Variants in LRRC37A2 observed in about 807,000 individuals in gnomAD.
LRRC37A2 encodes leucine-rich repeat-containing protein 37A2.
LRRC37A2 carries 9 observed loss-of-function variants against 68.8 expected under a neutral mutation model. The ratio of observed to expected loss-of-function variants is 0.13; its 90% CI spans 0.08 to 0.23. The LOEUF (loss-of-function observed/expected upper bound fraction) is 0.23. Ranked by LOEUF, LRRC37A2 falls within the 10% of genes least tolerant of loss-of-function variation. LRRC37A2 has a pLI of 1.00. For synonymous variants in LRRC37A2, 63 were observed against 367.6 expected (o/e 0.17, Z 9.48); for missense variants, 168 against 950.4 (o/e 0.18, Z 10.82).
chr17:46,922,049 C>T, the LRRC37A2 span, among the ~76,000 whole-genome samples: 43 of 152,292 alleles, frequency 2.8e-4, no homozygotes, highest in East Asian at 6.5e-3. Flanking sequence ...TTTATTGCAG[C>T]ACTATTCACA....
the LRRC37A2 span, chr17:46,875,364 A>C: frequency 6.3e-7 from 1 of 1,598,734 alleles, no homozygotes; most frequent in Non-Finnish European, 8.5e-7. Context: ...CGTGGGCATC[A>C]AGGTGAGCAT....
the LRRC37A2 span, chr17:46,763,292 AG>A: frequency 6.6e-6 from 1 of 152,250 alleles, no homozygotes; most frequent in East Asian, 1.9e-4. Flanking sequence ...CCCTTTTGCT[AG>A]CTTTCTCTAG....
At chr17:46,751,224 T>C in the LRRC37A2 span, among the ~76,000 whole-genome samples, 3 of 152,352 alleles carry the variant, frequency 2.0e-5, no homozygotes, top group East Asian at 3.9e-4. Flanking sequence ...TTTTAACTTA[T>C]ATTTATTATG....
chr17:46,818,474 C>T, the LRRC37A2 span: 1 of 1,567,120 alleles, frequency 6.4e-7, no homozygotes, highest in Admixed American at 1.9e-5. Context: ...TCCCCGGACG[C>T]GGCGGAGAAA....
At chr17:46,793,732 G>A in the LRRC37A2 span, among the ~76,000 whole-genome samples, 2 of 152,336 alleles carry the variant, frequency 1.3e-5, no homozygotes, top group African/African-American at 4.8e-5. Context: ...GGCCAGGGTA[G>A]ATGACACACG....
the LRRC37A2 span, among the ~76,000 whole-genome samples, chr17:46,801,895 C>A: frequency 6.6e-6 from 1 of 152,116 alleles, no homozygotes; most frequent in East Asian, 1.9e-4. Flanking sequence ...ACTGTTTCCC[C>A]GCCAAGCCCT....
At chr17:47,030,166 G>A in the LRRC37A2 span, among the ~76,000 whole-genome samples, 3 of 144,772 alleles carry the variant, frequency 2.1e-5, no homozygotes, top group Non-Finnish European at 4.5e-5. Flanking sequence ...AATTATGTAG[G>A]CAACACCAGG....
the LRRC37A2 span, among the ~76,000 whole-genome samples, chr17:46,967,435 G>A: frequency 3.5e-4 from 53 of 152,232 alleles, no homozygotes; most frequent in Non-Finnish European, 5.9e-4. Flanking sequence ...GTATGGAGGG[G>A]ATATGTGAGA....
At chr17:46,972,158 G>A in the LRRC37A2 span, among the ~76,000 whole-genome samples, 53 of 152,314 alleles carry the variant, frequency 3.5e-4, no homozygotes, top group Admixed American at 8.5e-4. Context: ...CCCAGGCTGT[G>A]TGCTGACAGA....
chr17:46,937,689 C>G, the LRRC37A2 span: 12 of 152,208 alleles, frequency 7.9e-5, no homozygotes, highest in Non-Finnish European at 1.6e-4. Context: ...TCATGCTACT[C>G]TTTTCTATGT....
chr17:46,779,053 T>TCTCACACACACACACACACACACA, the LRRC37A2 span, among the ~76,000 whole-genome samples: 2 of 100,612 alleles, frequency 2.0e-5, no homozygotes, highest in African/African-American at 4.5e-5. Context: ...CCCTACCCCA[T>TCTCACACACACACACACACACACA]CACACACACA....
chr17:46,990,281 T>C, the LRRC37A2 span, among the ~76,000 whole-genome samples: 2 of 152,214 alleles, frequency 1.3e-5, no homozygotes. Flanking sequence ...TCTGGTGACA[T>C]AAGGTATTAA....
chr17:46,779,210 C>T, the LRRC37A2 span, among the ~76,000 whole-genome samples: 1 of 152,186 alleles, frequency 6.6e-6, no homozygotes, highest in African/African-American at 2.4e-5. Context: ...ATGCCCCTCA[C>T]TCGCCAGACC....
the LRRC37A2 span, among the ~76,000 whole-genome samples, chr17:47,007,124 A>T: frequency 6.6e-6 from 1 of 152,166 alleles, no homozygotes; most frequent in African/African-American, 2.4e-5. Context: ...ATTTAATTTT[A>T]CAGAAACCTG....
chr17:46,854,373 A>G, the LRRC37A2 span, among the ~76,000 whole-genome samples: 5 of 152,230 alleles, frequency 3.3e-5, no homozygotes, highest in Non-Finnish European at 5.9e-5. Context: ...TGGCATCCTG[A>G]TAAGAGAATA....
At chr17:46,532,925 A>T (rs1310286405) in intron 6 of LRRC37A2, among the ~76,000 whole-genome samples, 3 of 143,406 alleles carry the variant, frequency 2.1e-5, no homozygotes, top group Non-Finnish European at 4.5e-5. Context: ...ACATACTGAG[A>T]GCTTATCTCT....
chr17:46,976,881 G>A, the LRRC37A2 span, among the ~76,000 whole-genome samples: 3 of 152,174 alleles, frequency 2.0e-5, no homozygotes, highest in African/African-American at 7.2e-5. Context: ...AGATCAGGCT[G>A]GACTTCCTGC....
chr17:46,755,343 C>A, the LRRC37A2 span: 1 of 1,613,760 alleles, frequency 6.2e-7, no homozygotes, highest in South Asian at 1.1e-5. Flanking sequence ...TGAGAAAATT[C>A]TTGGCCCTCT....
At chr17:46,721,787 T>C in the LRRC37A2 span, 1 of 1,602,602 alleles carries the variant, frequency 6.2e-7, no homozygotes. Flanking sequence ...AAGGAAGGCA[T>C]CGTGCACAGC....
Sources: allele counts gnomAD v4.1 joint callset (sites outside exome capture counted in the v4.1 genomes callset), GRCh38; gene constraint gnomAD v4.1.1; transcripts MANE v1.5; gene names NCBI Gene and HGNC (gene_info 2026-07-23, HGNC 2026-07-21).